The following CYP2F1 variants were observed in gnomAD, a reference collection of about 807,000 sequenced individuals.
The protein encoded by CYP2F1 is cytochrome P450 2F1.
In CYP2F1, 33 loss-of-function variants were observed where a neutral mutation model predicts 40.4. The observed-to-expected ratio is 0.82, with a 90% CI of 0.62 to 1.09. CYP2F1 has a LOEUF of 1.09. Among genes scored for constraint, CYP2F1 ranks in the 50% least tolerant of loss-of-function variants. The pLI is 0.00. For missense variants in CYP2F1, 566 were observed against 655.7 expected, an observed-to-expected ratio of 0.86 and a Z score of 1.49; for synonymous variants, 235 against 277.2, an observed-to-expected ratio of 0.85 and a Z score of 1.51.
intron 9 of CYP2F1, 146 bp from the exon 10 acceptor site, chr19:41,127,755 T>C (rs2032600140): frequency 3.0e-6 from 2 of 667,054 alleles, no homozygotes; most frequent in African/African-American, 3.6e-5. Flanking sequence ...GTTTAAAGCA[T>C]CTTTCCCAGT....
rs1568375573 is a variant in CYP2F1 at position 41,116,667 on chromosome 19, GA to G, written c.334+51del. On this transcript the variant is annotated intron_variant, in intron 3 of 9. Coordinates refer to ENST00000331105, the MANE Select transcript of CYP2F1 (RefSeq NM_000774.5). Reference sequence around the variant, plus strand: ...GCTCTCGGCCTTTTCCATATTGAGGGAGGGGGTGAGGGTGAGAGACTGTTGT... The same window carrying G: ...GCTCTCGGCCTTTTCCATATTGAGGGGGGGGTGAGGGTGAGAGACTGTTGT... The G allele has an allele frequency of 6.3e-6, 10 of 1,585,280 alleles. No homozygotes were observed. The South Asian group carries it at 7.9e-5, about 12-fold the overall frequency.
In CYP2F1 at chr19:41,122,926, C is replaced by T. The variant is rs146496115; in HGVS notation, c.927C>T (p.His309=). 298 of 1,613,256 alleles carry T rather than the reference C, an allele frequency of 1.8e-4. No homozygotes were observed. Among genetic ancestry groups the T allele is most frequent in the Non-Finnish European group, 2.2e-4 (259 of 1,179,536 alleles). ...AGACGGTGAGCACCACGCTGCACCA[C>T]GCCTTCCTGGCACTCATGAAGTACC... The part of the protein sequence containing the change: ...GTKTVSTTLH[H]AFLALMKYPK... The change falls in exon 7 of 10, where the codon CAC becomes CAT. Residue 309 remains histidine (H), a synonymous_variant. Transcript: ENST00000331105.
chr19:41,124,270 T>C (rs1306438196), intron 7 of CYP2F1, among the ~76,000 whole-genome samples: 2 of 119,642 alleles, frequency 1.7e-5, no homozygotes, highest in East Asian at 6.0e-4. Flanking sequence ...TTTTTTTTTT[T>C]TTTTTTTTTT....
At position 41,120,711 on chromosome 19, in the gene CYP2F1, T is replaced by C. The variant is rs370389080; in HGVS notation, c.484+215T>C. On this transcript the variant is annotated intron_variant, in intron 4 of 9. Coordinates refer to ENST00000331105, the MANE Select transcript of CYP2F1 (RefSeq NM_000774.5). ...TGCCCAGGCCAGTCTCAAACTCCTG[T>C]GTGCAAATGATCCTCTTGCCTCTGC... Among the ~76,000 whole-genome samples the C allele has an allele frequency of 9.9e-5, 15 of 152,162 alleles. No individual in the cohort carries two copies. In the East Asian group the frequency reaches 2.3e-3, roughly 24 times the overall value.
At chr19:41,119,723 C>CTATATATATATATA (rs1290627675) in intron 3 of CYP2F1, among the ~76,000 whole-genome samples, 8 of 35,796 alleles carry the variant, frequency 2.2e-4, no homozygotes, top group Non-Finnish European at 3.6e-4. Context: ...CTCTCTCTCT[C>CTATATATATATATA]TATATATATA....
At chr19:41,119,723 C>CTATATATATATA (rs1290627675) in intron 3 of CYP2F1, among the ~76,000 whole-genome samples, 13 of 35,782 alleles carry the variant, frequency 3.6e-4, no homozygotes, top group Non-Finnish European at 5.2e-4. Flanking sequence ...CTCTCTCTCT[C>CTATATATATATA]TATATATATA....
rs2031805306 is a variant in CYP2F1 at position 41,116,374 on chromosome 19, G to A, written c.171+15G>A. ...CTCTCACTAAGGTGCAAGGCCCTTA[G>A]CTTGGGTGATGGTGGAAGGATAAGG... On this transcript the variant is annotated intron_variant, in intron 2 of 9. Transcript: ENST00000331105. 6 of 1,612,980 alleles carry A rather than the reference G, an allele frequency of 3.7e-6. No individual in the cohort carries two copies. Among genetic ancestry groups the A allele is most frequent in the Non-Finnish European group, 5.1e-6 (6 of 1,179,400 alleles).
intron 7 of CYP2F1, chr19:41,123,275 C>T (rs2032343154): frequency 2.2e-6 from 1 of 459,678 alleles, no homozygotes. Flanking sequence ...TCGATCCGCT[C>T]ACTGCAACCT....
intron 1 of CYP2F1, among the ~76,000 whole-genome samples, chr19:41,115,713 T>C (rs1313084417): frequency 2.0e-5 from 3 of 150,388 alleles, no homozygotes; most frequent in Non-Finnish European, 4.4e-5. Flanking sequence ...AGATAGATGA[T>C]AGATAGATGT....
chr19:41,122,596 G>A (rs576749411), intron 6 of CYP2F1, among the ~76,000 whole-genome samples: 4 of 151,434 alleles, frequency 2.6e-5, no homozygotes, highest in African/African-American at 7.3e-5. Flanking sequence ...TACATAAAAC[G>A]TATTTTTTAA....
At chr19:41,119,683 GTCTCTCTCTCTCTCTCTCTCTCTC>G (rs1159535426) in intron 3 of CYP2F1, among the ~76,000 whole-genome samples, 1 of 13,410 alleles carries the variant, frequency 7.5e-5, no homozygotes, top group African/African-American at 2.6e-4. Context: ...GCAAGACTCC[GTCTCTCTCTCTCTCTCTCTCTCTC>G]TCTCTCTCTC....
At chr19:41,126,357 G>A (rs1226205606) in intron 9 of CYP2F1, among the ~76,000 whole-genome samples, 3 of 151,974 alleles carry the variant, frequency 2.0e-5, no homozygotes, top group Non-Finnish European at 2.9e-5. Context: ...CCCGGGAGGC[G>A]GAGGTTGCAG....
chr19:41,117,830 C>CTTTATTTATTTATTTA (rs71896870), intron 3 of CYP2F1, among the ~76,000 whole-genome samples: 10 of 149,670 alleles, frequency 6.7e-5, no homozygotes, highest in African/African-American at 2.2e-4. Context: ...GGTCTTCAAA[C>CTTTATTTATTTATTTA]TTTATTTATT....
intron 3 of CYP2F1, among the ~76,000 whole-genome samples, chr19:41,117,993 A>G (rs305972): frequency 0.33 from 50,641 of 151,584 alleles, 8,681 homozygotes; most frequent in Admixed American, 0.41. Context: ...GGGACTACAG[A>G]CACCTGCCAC....
At position 41,120,255 on chromosome 19, in the gene CYP2F1, T is replaced by C. The variant is rs77225026; in HGVS notation, c.335-92T>C. ...AGCCAGGGAGATTCCAAACTCTGTCTCTCTCCCAGCAAATACCATGAAAGG... is the reference window on the plus strand; with the variant it reads ...AGCCAGGGAGATTCCAAACTCTGTCCCTCTCCCAGCAAATACCATGAAAGG... On this transcript the variant is annotated intron_variant, in intron 3 of 9. Transcript: ENST00000331105. 5,982 of 1,298,282 alleles carry C rather than the reference T, an allele frequency of 4.6e-3. 189 individuals are homozygous for C. The African/African-American group carries it at 0.066, about 14-fold the overall frequency. The allele number at this position is 1,298,282 out of a possible 1,614,324, so 80.4% of individuals were successfully genotyped here.
Position 41,128,222 on chromosome 19 carries a change from C to A in CYP2F1, c.*140C>A, listed in dbSNP as rs1456435773. Reference sequence around the variant, plus strand: ...CCTGCATGCTGTGCCTGCCGCGTGCCCTTCCCCCATCCCTCCAATCTGTGC... The same window carrying A: ...CCTGCATGCTGTGCCTGCCGCGTGCACTTCCCCCATCCCTCCAATCTGTGC... On this transcript the variant is annotated 3_prime_UTR_variant, in exon 10 of 10. Coordinates refer to ENST00000331105, the MANE Select transcript of CYP2F1 (RefSeq NM_000774.5). 7.7e-6 allele frequency: 6 copies of A among 780,306 alleles called. No individual in the cohort carries two copies. The highest frequency in any genetic ancestry group is 1.2e-5 in the Non-Finnish European group (6 of 510,478). The allele number at this position is 780,306 out of a possible 1,614,324, so 48.3% of individuals were successfully genotyped here.
chr19:41,128,009 T>C lies in CYP2F1; in HGVS notation c.1403T>C (p.Ile468Thr). ...CAGCCGCTGGGTGCGCCCGAGGACA[T>C]CGACCTGACCCCACTCAGCTCAGGT... ...SLQPLGAPED[I>T]DLTPLSSGLG... The change falls in exon 10 of 10, where the codon ATC becomes ACC. Residue 468 changes from isoleucine to threonine, a missense_variant. This residue lies in a region of CYP2F1 where 85 missense variants were observed against 84.9 expected (regional missense o/e 1.00). Transcript: ENST00000331105. 2 of 1,613,300 alleles carry C rather than the reference T, an allele frequency of 1.2e-6. No individual in the cohort carries two copies. Among genetic ancestry groups the C allele is most frequent in the Non-Finnish European group, 1.7e-6 (2 of 1,180,012 alleles).
chr19:41,123,455 T>G (rs1227282317), intron 7 of CYP2F1: 1 of 336,368 alleles, frequency 3.0e-6, no homozygotes, highest in African/African-American at 2.2e-5. Flanking sequence ...TGGCCTCAAG[T>G]GATCCACCTG....
At chr19:41,126,056 C>G (rs11879517) in intron 9 of CYP2F1, among the ~76,000 whole-genome samples, 1 of 151,730 alleles carries the variant, frequency 6.6e-6, no homozygotes, top group Non-Finnish European at 1.5e-5. Flanking sequence ...TCACTTGAAC[C>G]CAGGAGGCGG....
Sources: gnomAD v4.1 joint callset for allele counts (sites outside exome capture counted in the v4.1 genomes callset) on GRCh38, gnomAD v4.1.1 for gene constraint, gnomAD v4.1.1 regional missense constraint, MANE v1.5 for transcripts, NCBI Gene and HGNC (gene_info 2026-07-23, HGNC 2026-07-21) for gene names.